The following ASAP1 variants were observed in gnomAD, a reference collection of about 807,000 sequenced individuals.
ASAP1 encodes arf-GAP with SH3 domain, ANK repeat and PH domain-containing protein 1.
Under a neutral mutation model 145.2 loss-of-function variants are expected in ASAP1, and 43 were observed. The observed-to-expected ratio is 0.30, with a 90% confidence interval of 0.23 to 0.38. The LOEUF (loss-of-function observed/expected upper bound fraction) is 0.38. Among genes scored for constraint, ASAP1 ranks in the 10% least tolerant of loss-of-function variants. The pLI, the probability that ASAP1 is intolerant of heterozygous loss-of-function variation, is 1.00. For missense variants in ASAP1, 1,018 were observed against 1,355.3 expected (o/e 0.75, Z 3.91); for synonymous variants, 546 against 515.5 (o/e 1.06, Z -0.80).
intron 15 of ASAP1, among the ~76,000 whole-genome samples, chr8:130,132,841 C>T (rs2097585252): frequency 6.6e-6 from 1 of 152,180 alleles, no homozygotes; most frequent in Non-Finnish European, 1.5e-5. Context: ...CTTTCCCCAC[C>T]CTGTTCCTCC....
At chr8:130,086,938 C>G (rs996156822) in intron 25 of ASAP1, among the ~76,000 whole-genome samples, 1 of 152,200 alleles carries the variant, frequency 6.6e-6, no homozygotes, top group African/African-American at 2.4e-5. Context: ...GGCCCTCGTT[C>G]TCACAAAACA....
chr8:130,263,629 T>C (rs1820074773), intron 3 of ASAP1, among the ~76,000 whole-genome samples: 1 of 152,194 alleles, frequency 6.6e-6, no homozygotes, highest in African/African-American at 2.4e-5. Flanking sequence ...TGTTATTTTA[T>C]TTAAGCCTAA....
At chr8:130,327,164 G>T (rs35658546) in intron 3 of ASAP1, among the ~76,000 whole-genome samples, 1,890 of 152,240 alleles carry the variant, frequency 0.012, 21 homozygotes, top group Non-Finnish European at 0.022. Context: ...AATTCTCCCT[G>T]CACTCCAGTT....
At chr8:130,089,593 G>A (rs1444812287) in intron 25 of ASAP1, among the ~76,000 whole-genome samples, 1 of 152,198 alleles carries the variant, frequency 6.6e-6, no homozygotes, top group African/African-American at 2.4e-5. Flanking sequence ...GACCTGTCTG[G>A]GCCCTGCCTT....
intron 12 of ASAP1, 28 bp downstream of exon 12, chr8:130,159,836 T>A (rs988973592): frequency 6.4e-7 from 1 of 1,558,832 alleles, no homozygotes; most frequent in Non-Finnish European, 8.9e-7. Context: ...AATCACACAC[T>A]GAGACACTGG....
chr8:130,412,872 G>A (rs1241254057), intron 1 of ASAP1, among the ~76,000 whole-genome samples: 1 of 152,092 alleles, frequency 6.6e-6, no homozygotes, highest in Non-Finnish European at 1.5e-5. Context: ...TCGAACTCCT[G>A]ACCTTAGGTG....
chr8:130,376,725 AAAATAAAT>A (rs1187635921), intron 2 of ASAP1, among the ~76,000 whole-genome samples: 2 of 151,894 alleles, frequency 1.3e-5, no homozygotes, highest in East Asian at 3.9e-4. Flanking sequence ...ACTCTGTCTC[AAAATAAAT>A]AAATAAATAA....
intron 15 of ASAP1, among the ~76,000 whole-genome samples, chr8:130,129,498 A>G (rs890749773): frequency 6.6e-6 from 1 of 152,232 alleles, no homozygotes; most frequent in African/African-American, 2.4e-5. Context: ...TATTTTCTAA[A>G]AAGAAAATAA....
intron 4 of ASAP1, 26 bp from the exon 5 acceptor site, chr8:130,214,727 G>A (rs2136430965): frequency 6.5e-7 from 1 of 1,548,244 alleles, no homozygotes; most frequent in African/African-American, 1.4e-5. Flanking sequence ...AAGAAGAAAG[G>A]AGTCTGAACT....
At chr8:130,277,108 C>G (rs1267231130) in intron 3 of ASAP1, among the ~76,000 whole-genome samples, 2 of 152,130 alleles carry the variant, frequency 1.3e-5, no homozygotes, top group African/African-American at 4.8e-5. Context: ...GGCCCCCCAT[C>G]CCAGACTCTC....
chr8:130,228,364 C>A (rs1817706066), intron 4 of ASAP1, among the ~76,000 whole-genome samples: 1 of 152,112 alleles, frequency 6.6e-6, no homozygotes, highest in African/African-American at 2.4e-5. Flanking sequence ...ACAGAGAACA[C>A]AGATGTGCTG....
intron 22 of ASAP1, among the ~76,000 whole-genome samples, 173 bp downstream of exon 22, chr8:130,116,505 C>T (rs2097556213): frequency 6.6e-6 from 1 of 152,198 alleles, no homozygotes; most frequent in Admixed American, 6.5e-5. Context: ...ATGTGGATGA[C>T]AAATTTATCA....
chr8:130,215,470 G>C (rs1441352469), intron 4 of ASAP1, among the ~76,000 whole-genome samples: 1 of 151,892 alleles, frequency 6.6e-6, no homozygotes, highest in Non-Finnish European at 1.5e-5. Flanking sequence ...AGGGCCGGGA[G>C]CGGTGGCTCA....
At chr8:130,196,298 C>T (rs570491342) in intron 5 of ASAP1, among the ~76,000 whole-genome samples, 5 of 151,446 alleles carry the variant, frequency 3.3e-5, no homozygotes, top group East Asian at 1.9e-4. Flanking sequence ...GCTGAGATCA[C>T]GCCACTGTGC....
intron 3 of ASAP1, among the ~76,000 whole-genome samples, chr8:130,302,765 A>C (rs553121542): frequency 2.0e-5 from 3 of 152,312 alleles, no homozygotes; most frequent in Middle Eastern, 3.4e-3. Context: ...GGAGGAGCTG[A>C]ATCACCAGAG....
chr8:130,409,517 T>G (rs1586993521), intron 1 of ASAP1, among the ~76,000 whole-genome samples: 1 of 152,144 alleles, frequency 6.6e-6, no homozygotes, highest in Non-Finnish European at 1.5e-5. Context: ...TGCATGTGTT[T>G]GAGATGGGCC....
intron 3 of ASAP1, among the ~76,000 whole-genome samples, chr8:130,238,310 G>C (rs116971212): frequency 0.035 from 5,300 of 152,242 alleles, 127 homozygotes; most frequent in Middle Eastern, 0.065. Flanking sequence ...TCTGTTTCTT[G>C]ATGTGAGGAA....
chr8:130,178,729 CA>C (rs929067204), intron 9 of ASAP1, among the ~76,000 whole-genome samples: 19 of 149,418 alleles, frequency 1.3e-4, no homozygotes, highest in Non-Finnish European at 1.8e-4. Flanking sequence ...ACTAACAATA[CA>C]AAAAAAAAAT....
At chr8:130,186,721 C>T (rs931719107) in intron 7 of ASAP1, among the ~76,000 whole-genome samples, 2 of 152,086 alleles carry the variant, frequency 1.3e-5, no homozygotes, top group African/African-American at 4.8e-5. Flanking sequence ...CTTTCATGAG[C>T]CCCTTAGCCT....
Sources: allele counts gnomAD v4.1 joint callset (sites outside exome capture counted in the v4.1 genomes callset), GRCh38; gene constraint gnomAD v4.1.1; transcripts MANE v1.5; gene names NCBI Gene and HGNC (gene_info 2026-07-23, HGNC 2026-07-21).